Variants in CMC2 observed in about 807,000 individuals in gnomAD.
The protein encoded by CMC2 is COX assembly mitochondrial protein 2 homolog.
CMC2 carries 5 observed loss-of-function variants against 7.5 expected under a neutral mutation model. That is an observed-to-expected ratio of 0.66 (90% CI 0.35 to 1.40). CMC2 has a LOEUF of 1.40. Ranked by LOEUF, CMC2 falls within the 40% of genes most tolerant of loss-of-function variation. The pLI is 0.04. For synonymous variants in CMC2, 37 were observed against 31.4 expected (o/e 1.18, Z -0.60); for missense variants, 115 against 92.3 (o/e 1.25, Z -1.01).
intron 3 of CMC2, chr16:80,978,536 G>A (rs901075107): frequency 3.8e-5 from 15 of 397,464 alleles, no homozygotes; most frequent in African/African-American, 3.1e-4. Context: ...AGGGACAAAA[G>A]AGAATGCCAC....
At chr16:80,978,637 G>A (rs1269709088) in intron 3 of CMC2, among the ~76,000 whole-genome samples, 1 of 151,860 alleles carries the variant, frequency 6.6e-6, no homozygotes, top group African/African-American at 2.4e-5. Flanking sequence ...GGGAGGCCAA[G>A]ATGGGAGAAC....
At chr16:80,990,908 T>A (rs1461689244) in intron 2 of CMC2, among the ~76,000 whole-genome samples, 1 of 151,944 alleles carries the variant, frequency 6.6e-6, no homozygotes, top group Admixed American at 6.6e-5. Flanking sequence ...TAATTTTTTC[T>A]AGAAACAGGT....
In CMC2 at chr16:80,997,343, T is replaced by C. The variant is rs1455786353; in HGVS notation, c.52A>G (p.Ile18Val). Residue 18 changes from isoleucine to valine, a missense_variant, in exon 2 of 4, where the codon ATT (isoleucine) becomes GTT (valine). By Grantham distance (29) the Ile-to-Val change is conservative (BLOSUM62 3). Coordinates refer to ENST00000219400, the MANE Select transcript of CMC2 (RefSeq NM_020188.5). ...HLHTEECNVL[I>V]NLLKECHKNH... ...TTGTGACATTCCTTAAGCAAGTTAA[T>C]CAAGACGTTGCATTCTTCAGTGTGC... The C allele has an allele frequency of 1.3e-5, 20 of 1,549,366 alleles. 1 individual carries two copies. The East Asian group carries it at 4.3e-4, about 33-fold the overall frequency.
intron 1 of CMC2, among the ~76,000 whole-genome samples, chr16:80,999,567 C>A (rs1968697474): frequency 6.6e-6 from 1 of 152,052 alleles, no homozygotes; most frequent in Admixed American, 6.6e-5. Flanking sequence ...AAAAACTATC[C>A]AAAAATTCAT....
rs547218061 is a variant in CMC2 at position 80,967,484 on chromosome 16, C to T, written c.*8609G>A. Reference sequence around the variant, plus strand: ...CCTCCCAAGTAGCTGGGACTACAGGCGCCCACTACCACGCCCGGATAATTT... The same window carrying T: ...CCTCCCAAGTAGCTGGGACTACAGGTGCCCACTACCACGCCCGGATAATTT... On this transcript the variant is annotated 3_prime_UTR_variant, in exon 4 of 4. Transcript: ENST00000219400. The T allele has an allele frequency of 4.6e-4, 70 of 152,532 alleles. No homozygotes were observed. The highest frequency in any genetic ancestry group is 1.5e-3 in the African/African-American group (63 of 41,568). The allele number at this position is 152,532 out of a possible 1,614,324, so 9.4% of individuals were successfully genotyped here.
At chr16:81,002,188 G>C (rs1049141693) in intron 1 of CMC2, among the ~76,000 whole-genome samples, 1 of 152,194 alleles carries the variant, frequency 6.6e-6, no homozygotes, top group Non-Finnish European at 1.5e-5. Flanking sequence ...ACTTTGGGAG[G>C]CTGAGGCAGG....
At chr16:80,997,706 G>C (rs867442998) in intron 1 of CMC2, 1 of 205,338 alleles carries the variant, frequency 4.9e-6, no homozygotes, top group Middle Eastern at 1.7e-3. Context: ...CACTAAAGCA[G>C]AAACAGCTTG....
intron 1 of CMC2, among the ~76,000 whole-genome samples, chr16:81,000,418 C>G (rs1445559516): frequency 6.6e-6 from 1 of 152,128 alleles, no homozygotes; most frequent in Non-Finnish European, 1.5e-5. Context: ...ATCGCTTGAA[C>G]CCAGGAGGCG....
intron 1 of CMC2, among the ~76,000 whole-genome samples, chr16:81,002,539 A>C (rs1262877245): frequency 2.0e-5 from 3 of 152,204 alleles, no homozygotes; most frequent in Non-Finnish European, 4.4e-5. Flanking sequence ...CGGCACTCAA[A>C]TGTGTGCCTT....
In CMC2 at chr16:80,997,367, G is replaced by A; in HGVS notation, c.28C>T (p.His10Tyr). 6.3e-7 allele frequency: 1 copy of A among 1,583,420 alleles called. No individual in the cohort carries two copies. The highest frequency in any genetic ancestry group is 8.6e-7 in the Non-Finnish European group (1 of 1,160,186). ...ATCAAGACGTTGCATTCTTCAGTGTGCAAGTGTGGAGATAAGTCAGGATGC... is the reference window on the plus strand; with the variant it reads ...ATCAAGACGTTGCATTCTTCAGTGTACAAGTGTGGAGATAAGTCAGGATGC... MHPDLSPHL[H>Y]TEECNVLINL... The change falls in exon 2 of 4, where the codon CAC becomes TAC. Residue 10 changes from histidine (H) to tyrosine (Y), a missense_variant. By Grantham distance (83) the His-to-Tyr change is moderately conservative. Transcript: ENST00000219400.
chr16:80,978,458 AAAAC>A, intron 3 of CMC2: 1 of 1,063,120 alleles, frequency 9.4e-7, no homozygotes, highest in Non-Finnish European at 1.3e-6. Flanking sequence ...AGTTACTCAC[AAAAC>A]TCAATCAAAC....
At chr16:80,989,697 C>A (rs991440754) in intron 2 of CMC2, among the ~76,000 whole-genome samples, 3 of 80,900 alleles carry the variant, frequency 3.7e-5, no homozygotes, top group Non-Finnish European at 7.4e-5. Flanking sequence ...CATAGACACA[C>A]ATTATCTATT....
At chr16:80,977,646 CAGT>C (rs1241974583) in intron 3 of CMC2, among the ~76,000 whole-genome samples, 1 of 152,118 alleles carries the variant, frequency 6.6e-6, no homozygotes, top group Admixed American at 6.5e-5. Context: ...TCTTCTGGAC[CAGT>C]AACTTCAAAT....
At chr16:80,985,908 A>AAAAAC (rs1349677341) in intron 2 of CMC2, among the ~76,000 whole-genome samples, 3 of 151,462 alleles carry the variant, frequency 2.0e-5, no homozygotes, top group Admixed American at 2.0e-4. Context: ...CTGCAAAAAA[A>AAAAAC]AAAAAAAAAA....
intron 1 of CMC2, chr16:80,998,069 C>G (rs911629115): frequency 6.6e-6 from 1 of 150,458 alleles, no homozygotes; most frequent in Non-Finnish European, 1.5e-5. Flanking sequence ...AATTAGCAGC[C>G]AAGGTCAAAG....
chr16:80,994,559 T>C (rs1006231855), intron 2 of CMC2, among the ~76,000 whole-genome samples: 1 of 151,946 alleles, frequency 6.6e-6, no homozygotes, highest in African/African-American at 2.4e-5. Flanking sequence ...AGGCAAAAAA[T>C]TTTATATGAA....
At chr16:80,981,585 T>C (rs1330456349) in intron 3 of CMC2, among the ~76,000 whole-genome samples, 2 of 152,204 alleles carry the variant, frequency 1.3e-5, no homozygotes, top group Admixed American at 6.5e-5. Context: ...CATAAGGAAG[T>C]TGTTTTCCTC....
At position 80,966,697 on chromosome 16, in the gene CMC2, A is replaced by C. The variant is rs929720387; in HGVS notation, c.*9396T>G. The C allele has an allele frequency of 5.4e-4, 82 of 152,308 alleles. No individual in the cohort carries two copies. Among genetic ancestry groups the C allele is most frequent in the African/African-American group, 1.8e-3 (75 of 41,566 alleles). The allele number at this position is 152,308 out of a possible 1,614,324, so 9.4% of individuals were successfully genotyped here. A position where few individuals can be genotyped will look rare whatever the true frequency, so the allele number is the denominator to read the frequency against. On this transcript the variant is annotated 3_prime_UTR_variant, in exon 4 of 4. Transcript: ENST00000219400. ...AAAGTCAAAATATTGTATTTGAACA[A>C]CACTTATAATCATTTCCTTTCTGTG...
rs761462737 is a variant in CMC2 at position 80,981,761 on chromosome 16, C to T, written c.153+45G>A. 1.8e-5 allele frequency: 22 copies of T among 1,234,796 alleles called. No homozygotes were observed. In the South Asian group the frequency reaches 2.9e-4, roughly 16 times the overall value. 76.5% of individuals were successfully genotyped at this position (1,234,796 alleles called of 1,614,324 possible). On this transcript the variant is annotated intron_variant, in intron 3 of 3. Coordinates refer to ENST00000219400, the MANE Select transcript of CMC2 (RefSeq NM_020188.5). Reference sequence around the variant, plus strand: ...GTAATACACAATATTCAAAAATGTTCTGTTCTATTGTTCAACCATATCCAT... The same window carrying T: ...GTAATACACAATATTCAAAAATGTTTTGTTCTATTGTTCAACCATATCCAT...
Sources: gnomAD v4.1 joint callset for allele counts (sites outside exome capture counted in the v4.1 genomes callset) on GRCh38, gnomAD v4.1.1 for gene constraint, MANE v1.5 for transcripts, NCBI Gene and HGNC (gene_info 2026-07-23, HGNC 2026-07-21) for gene names.